The following HIVEP3 variants were observed in gnomAD, a reference collection of about 807,000 sequenced individuals.
The protein encoded by HIVEP3 is transcription factor HIVEP3.
In HIVEP3, 49 loss-of-function variants were observed where a neutral mutation model predicts 152.8. The ratio of observed to expected loss-of-function variants is 0.32; its 90% CI spans 0.26 to 0.41. The LOEUF (loss-of-function observed/expected upper bound fraction) is 0.41, where lower values mean the gene tolerates loss of function less well. Among genes scored for constraint, HIVEP3 ranks in the 10% least tolerant of loss-of-function variants. The pLI is 1.00. For missense variants in HIVEP3, 2,790 were observed against 3,103.3 expected (o/e 0.90, Z 2.40); for synonymous variants, 1,269 against 1,289.0 (o/e 0.98, Z 0.33).
intron 1 of HIVEP3, among the ~76,000 whole-genome samples, chr1:41,810,151 C>T (rs1650866853): frequency 6.6e-6 from 1 of 152,144 alleles, no homozygotes; most frequent in African/African-American, 2.4e-5. Flanking sequence ...CCCCAGCTGC[C>T]CACAAGACCT....
At chr1:42,011,466 A>T (rs1324358250) in intron 1 of HIVEP3, among the ~76,000 whole-genome samples, 2 of 152,248 alleles carry the variant, frequency 1.3e-5, no homozygotes, top group Non-Finnish European at 2.9e-5. Context: ...ATTTCCAGGT[A>T]AACTCAGTTA....
intron 5 of HIVEP3, among the ~76,000 whole-genome samples, chr1:41,526,539 C>A (rs1354134285): frequency 2.2e-5 from 2 of 92,256 alleles, no homozygotes; most frequent in Non-Finnish European, 4.8e-5. Flanking sequence ...ATGCTTACAC[C>A]CCCACACTCA....
chr1:41,581,043 C>T lies in HIVEP3; in HGVS notation c.3755G>A (p.Gly1252Asp), dbSNP rs373369306. 1 of 1,558,142 alleles carries T rather than the reference C, an allele frequency of 6.4e-7. No homozygotes were observed. Among genetic ancestry groups the T allele is most frequent in the Non-Finnish European group, 8.7e-7 (1 of 1,151,868 alleles). ...LQSQFALQLP[G>D]DVESHLPQIK... ...CTGGGGCAGATGGCTTTCCACATCA[C>T]CAGGGAGCTGAAGTGCAAACTGGGA... is the stretch of plus-strand genomic sequence containing the variant. The change falls in exon 4 of 9, where the codon GGT becomes GAT. Residue 1252 changes from glycine (G) to aspartate (D), a missense_variant. This residue lies in a region of HIVEP3 where 1,078 missense variants were observed against 1,165.3 expected (regional missense o/e 0.93). Coordinates refer to ENST00000372583, the MANE Select transcript of HIVEP3 (RefSeq NM_024503.5). The surrounding 1 kb of genome is among the most constrained non-coding windows in gnomAD (Gnocchi z 4.5).
Position 41,580,645 on chromosome 1 carries a change from C to T in HIVEP3, c.4153G>A (p.Glu1385Lys), listed in dbSNP as rs1381611659. The T allele has an allele frequency of 6.2e-7, 1 of 1,614,102 alleles. No individual in the cohort carries two copies. The highest frequency in any genetic ancestry group is 8.5e-7 in the Non-Finnish European group (1 of 1,180,024). ...GTTGGGAAAGCTCTGCTTTGCTCTT[C>T]ACTTAACCCAGAAGGGCCGGGCCCA... ...EVGPGPSGLS[E>K]EQSRAFPTPY... is the part of the protein sequence containing the mutation. Residue 1385 changes from glutamate (E) to lysine (K), a missense_variant, in exon 4 of 9, where the codon GAA becomes AAA. Physicochemically the swap from Glu to Lys is moderately conservative, Grantham distance 56. Transcript: ENST00000372583.
intron 5 of HIVEP3, among the ~76,000 whole-genome samples, chr1:41,531,365 G>C (rs1643245907): frequency 6.8e-6 from 1 of 147,952 alleles, no homozygotes; most frequent in South Asian, 2.2e-4. Context: ...GAGGACAGGA[G>C]AGATGGAAGA....
At chr1:41,920,245 C>A (rs1644930266), upstream of HIVEP3, among the ~76,000 whole-genome samples, 1 of 152,190 alleles carries the variant, frequency 6.6e-6, no homozygotes, top group Non-Finnish European at 1.5e-5. Context: ...ATGTCACCAG[C>A]CACACAGCGT....
At chr1:41,915,020 T>A (rs1270676646) in intron 1 of HIVEP3, among the ~76,000 whole-genome samples, 4 of 152,216 alleles carry the variant, frequency 2.6e-5, no homozygotes, top group Non-Finnish European at 5.9e-5. Flanking sequence ...GTTCTCAATT[T>A]CAACAGCAGG....
chr1:41,754,146 G>T (rs1053503960), intron 1 of HIVEP3, among the ~76,000 whole-genome samples: 1 of 152,236 alleles, frequency 6.6e-6, no homozygotes, highest in Middle Eastern at 3.2e-3. Context: ...ACACCATAGC[G>T]GCTGCCGCAG....
intron 1 of HIVEP3, among the ~76,000 whole-genome samples, chr1:41,857,818 G>A (rs1017855909): frequency 3.9e-5 from 6 of 152,304 alleles, no homozygotes; most frequent in African/African-American, 7.2e-5. Context: ...TAAGCTAGAA[G>A]ACTGGAGTTT....
At position 41,899,314 on chromosome 1, in the gene HIVEP3, G is replaced by A. The variant is rs78382662; in HGVS notation, c.-801+19099C>T. On this transcript the variant is annotated intron_variant, in intron 1 of 8. Transcript: ENST00000372583. ...TAATGGACTCCCAGAAGAGTAGGAT[G>A]TCTACCTAAAAAGAAAAATTAACGT... is the stretch of plus-strand genomic sequence containing the variant. Among the ~76,000 whole-genome samples, 1,435 of 152,326 alleles carry A rather than the reference G, an allele frequency of 9.4e-3. 20 individuals carry two copies. Among genetic ancestry groups the A allele is most frequent in the African/African-American group, 0.033 (1,377 of 41,558 alleles).
intron 1 of HIVEP3, among the ~76,000 whole-genome samples, chr1:41,713,998 C>T (rs1167961279): frequency 6.6e-6 from 1 of 152,210 alleles, no homozygotes; most frequent in Non-Finnish European, 1.5e-5. Context: ...CTCATCTGCT[C>T]ATGGCTTCAG....
At chr1:41,573,870 G>A (rs1644287686) in intron 5 of HIVEP3, among the ~76,000 whole-genome samples, 1 of 152,176 alleles carries the variant, frequency 6.6e-6, no homozygotes. Flanking sequence ...TGAAGACCTG[G>A]AAGGAGGTGG....
rs115269047 is a variant in HIVEP3 at position 41,708,152 on chromosome 1, C to T, written c.-800-7157G>A. On this transcript the variant is annotated intron_variant, in intron 1 of 8. Transcript: ENST00000372583. Reference sequence around the variant, plus strand: ...CTATCAGGGTGACATTAGGGAGGGACTACCTTTGTGGGGACCTGAGAGAGT... The same window carrying T: ...CTATCAGGGTGACATTAGGGAGGGATTACCTTTGTGGGGACCTGAGAGAGT... 8.0e-3 allele frequency among the ~76,000 whole-genome samples: 1,221 copies of T among 152,288 alleles called. 15 individuals carry two copies. The highest frequency in any genetic ancestry group is 0.028 in the African/African-American group (1,156 of 41,564).
At chr1:41,844,565 T>C (rs1453525403) in intron 1 of HIVEP3, among the ~76,000 whole-genome samples, 1 of 152,192 alleles carries the variant, frequency 6.6e-6, no homozygotes, top group African/African-American at 2.4e-5. Context: ...CCTAGAGCCA[T>C]TTAAGTACAC....
At chr1:41,602,911 G>A (rs560822008) in intron 3 of HIVEP3, among the ~76,000 whole-genome samples, 7 of 151,760 alleles carry the variant, frequency 4.6e-5, no homozygotes, top group African/African-American at 1.7e-4. Flanking sequence ...GGTATGTTGT[G>A]TTTTTGTTTT....
chr1:41,863,150 C>G (rs1312382965), intron 1 of HIVEP3, among the ~76,000 whole-genome samples: 4 of 152,194 alleles, frequency 2.6e-5, no homozygotes, highest in African/African-American at 9.7e-5. Context: ...CACATGTCAC[C>G]CAGCATCGAC....
At position 41,818,781 on chromosome 1, in the gene HIVEP3, C is replaced by G. The variant is rs542829426; in HGVS notation, c.-801+99632G>C. 6.6e-5 allele frequency among the ~76,000 whole-genome samples: 10 copies of G among 152,314 alleles called. No homozygotes were observed. The South Asian group carries it at 2.1e-3, about 32-fold the overall frequency. On this transcript the variant is annotated intron_variant, in intron 1 of 8. Coordinates refer to ENST00000372583, the MANE Select transcript of HIVEP3 (RefSeq NM_024503.5). ...ATTTAATAAATGCTGGTTCTCTCCCCCTTGTGCATTCCAACCTCTGCCCCT... is the reference window on the plus strand; with the variant it reads ...ATTTAATAAATGCTGGTTCTCTCCCGCTTGTGCATTCCAACCTCTGCCCCT...
chr1:41,669,206 A>G (rs1384058850), intron 2 of HIVEP3, among the ~76,000 whole-genome samples: 2 of 152,164 alleles, frequency 1.3e-5, no homozygotes, highest in African/African-American at 4.8e-5. Context: ...TGTCCTATTT[A>G]GAAAGGGCTG....
intron 1 of HIVEP3, among the ~76,000 whole-genome samples, chr1:41,827,691 A>C (rs1261645637): frequency 6.6e-6 from 1 of 152,200 alleles, no homozygotes; most frequent in Admixed American, 6.5e-5. Flanking sequence ...TAAATATATT[A>C]AATGCTCCAG....
Sources: allele counts gnomAD v4.1 joint callset (sites outside exome capture counted in the v4.1 genomes callset), GRCh38; gene constraint gnomAD v4.1.1; regional missense constraint gnomAD v4.1.1; non-coding constraint Gnocchi (gnomAD v3.1); transcripts MANE v1.5; gene names NCBI Gene and HGNC (gene_info 2026-07-23, HGNC 2026-07-21).